The following STAT3 variants were observed in gnomAD, a reference collection of about 807,000 sequenced individuals.
The protein encoded by STAT3 is DNA-binding protein APRF.
Under a neutral mutation model 114.3 loss-of-function variants are expected in STAT3, and 7 were observed. That is an observed-to-expected ratio of 0.06 (90% confidence interval 0.03 to 0.11). The LOEUF is 0.11. Ranked by LOEUF, STAT3 falls within the 10% of genes least tolerant of loss-of-function variation. The pLI, the probability that STAT3 is intolerant of heterozygous loss-of-function variation, is 1.00. For missense variants in STAT3, 364 were observed against 960.9 expected, an observed-to-expected ratio of 0.38 and a Z score of 8.21; for synonymous variants, 331 against 354.5, an observed-to-expected ratio of 0.93 and a Z score of 0.74.
chr17:42,366,728 C>A (rs1234319320), intron 1 of STAT3, among the ~76,000 whole-genome samples: 2 of 150,480 alleles, frequency 1.3e-5, no homozygotes, highest in Non-Finnish European at 3.0e-5. Context: ...CTCCCACTGA[C>A]GCAGCCTTAA....
chr17:42,385,917 T>A (rs1011661918), intron 1 of STAT3, among the ~76,000 whole-genome samples: 2 of 152,182 alleles, frequency 1.3e-5, no homozygotes, highest in African/African-American at 4.8e-5. Context: ...CACCTGTTTA[T>A]TGAATATTTA....
rs45540033 is a variant in STAT3, at chr17:42,317,108, A to G, written c.2144+74T>C. The stretch of plus-strand genomic sequence containing the variant: ...TCCAACCTTTGGCAGATTAACTCTC[A>G]CCCAGTGTCCCATTCCCAGGGATAA... On this transcript the variant is annotated intron_variant, in intron 22 of 23. Coordinates refer to ENST00000264657, the MANE Select transcript of STAT3 (RefSeq NM_139276.3). 3.1e-3 allele frequency: 4,910 copies of G among 1,606,638 alleles called. 87 individuals carry two copies. In the African/African-American group the frequency reaches 0.042, roughly 14 times the overall value.
intron 1 of STAT3, among the ~76,000 whole-genome samples, chr17:42,371,294 G>C (rs930946869): frequency 1.3e-5 from 2 of 152,072 alleles, no homozygotes; most frequent in African/African-American, 2.4e-5. Context: ...TTTGCAGCAG[G>C]ATGCAGGAGC....
chr17:42,323,238 G>T (rs777125327), intron 19 of STAT3, 22 bp downstream of exon 19: 31 of 1,614,112 alleles, frequency 1.9e-5, no homozygotes, highest in Non-Finnish European at 2.6e-5. Context: ...GGTTACATCT[G>T]TGCACACTCT....
At chr17:42,366,993 T>C (rs999398562) in intron 1 of STAT3, among the ~76,000 whole-genome samples, 1 of 151,762 alleles carries the variant, frequency 6.6e-6, no homozygotes, top group Non-Finnish European at 1.5e-5. Context: ...ATACAAAAAT[T>C]AGCCAGGTGT....
At position 42,317,182 on chromosome 17, in the gene STAT3, G is replaced by C. The variant is rs1064794957; in HGVS notation, c.2144C>G (p.Pro715Arg). Residue 715 changes from proline to arginine, a missense_variant and splice_region_variant, in exon 22 of 24, where the codon CCA (proline) becomes CGA (arginine). Pro to Arg is a moderately radical substitution (Grantham distance 103). Transcript: ENST00000264657. The part of the protein sequence containing the change: ...YLKTKFICVT[P>R]TTCSNTIDLP... ...AAAACGGGGAAAGGAAGCCACTTACGGTGTCACACAGATAAACTTGGTCTT... is the reference window on the plus strand; with the variant it reads ...AAAACGGGGAAAGGAAGCCACTTACCGTGTCACACAGATAAACTTGGTCTT... 1 of 1,613,866 alleles carries C rather than the reference G, an allele frequency of 6.2e-7. No individual in the cohort carries two copies. The highest frequency in any genetic ancestry group is 8.5e-7 in the Non-Finnish European group (1 of 1,179,948).
At chr17:42,374,378 C>G (rs1389257765) in intron 1 of STAT3, among the ~76,000 whole-genome samples, 1 of 152,112 alleles carries the variant, frequency 6.6e-6, no homozygotes, top group African/African-American at 2.4e-5. Flanking sequence ...GAGACTGAAG[C>G]AGGTGGATCA....
intron 1 of STAT3, among the ~76,000 whole-genome samples, chr17:42,373,205 C>T (rs2084255505): frequency 6.6e-6 from 1 of 152,078 alleles, no homozygotes; most frequent in Non-Finnish European, 1.5e-5. Context: ...AAAAAATTAG[C>T]CAGGCGTGGT....
At position 42,348,381 on chromosome 17, in the gene STAT3, G is replaced by A. The variant is rs753131863; in HGVS notation, c.128+8C>T. The A allele has an allele frequency of 3.1e-6, 5 of 1,614,034 alleles. No individual in the cohort carries two copies. Among genetic ancestry groups the A allele is most frequent in the Non-Finnish European group, 4.2e-6 (5 of 1,180,008 alleles). On this transcript the variant is annotated splice_region_variant and intron_variant, in intron 2 of 23. Transcript: ENST00000264657. ...AACAATTTGGAGAGTCACTTAAGAA[G>A]GACTTACCAATCTTGACTCTCAATC...
At chr17:42,345,463 C>T in intron 4 of STAT3, 96 bp downstream of exon 4, 2 of 1,050,240 alleles carry the variant, frequency 1.9e-6, no homozygotes, top group Non-Finnish European at 2.8e-6. Flanking sequence ...ATTTCTTTTC[C>T]TTCTTTTTTA....
At chr17:42,365,639 G>GT (rs11440924) in intron 1 of STAT3, among the ~76,000 whole-genome samples, 64,713 of 138,720 alleles carry the variant, frequency 0.47, 16,181 homozygotes, top group Admixed American at 0.6. Context: ...TGCTGTTAAA[G>GT]TTTTTTTTTT....
At chr17:42,366,775 C>A (rs1215044113) in intron 1 of STAT3, among the ~76,000 whole-genome samples, 1 of 151,554 alleles carries the variant, frequency 6.6e-6, no homozygotes, top group Non-Finnish European at 1.5e-5. Context: ...GATAGCTGGA[C>A]TAGGCTAACT....
chr17:42,343,478 A>G (rs1198483896), intron 4 of STAT3, among the ~76,000 whole-genome samples: 1 of 96,960 alleles, frequency 1.0e-5, no homozygotes. Flanking sequence ...TTTTTTTTTC[A>G]GTCGGAGTCT....
intron 1 of STAT3, among the ~76,000 whole-genome samples, chr17:42,359,241 T>C (rs528486946): frequency 1.3e-5 from 2 of 152,138 alleles, no homozygotes; most frequent in East Asian, 3.9e-4. Context: ...CAGCCAGATA[T>C]TTCTTATCTT....
chr17:42,354,403 C>G (rs944259390), intron 1 of STAT3, among the ~76,000 whole-genome samples: 10 of 149,580 alleles, frequency 6.7e-5, no homozygotes, highest in Non-Finnish European at 1.2e-4. Flanking sequence ...CTCCTGACCT[C>G]GTGATCCGCC....
chr17:42,340,355 CAAAA>C (rs10706259), intron 4 of STAT3, among the ~76,000 whole-genome samples: 2 of 117,052 alleles, frequency 1.7e-5, no homozygotes. Context: ...AACTCCATCT[CAAAA>C]AAAAAAAAAA....
chr17:42,376,719 G>C (rs759602197), intron 1 of STAT3, among the ~76,000 whole-genome samples: 1 of 151,722 alleles, frequency 6.6e-6, no homozygotes, highest in Non-Finnish European at 1.5e-5. Context: ...TGTGACGGGC[G>C]CCTGTAGTCC....
At chr17:42,387,936 G>A (rs113377876) in intron 1 of STAT3, 52 of 232,760 alleles carry the variant, frequency 2.2e-4, no homozygotes, top group Non-Finnish European at 3.7e-4. Context: ...CAGTCGCTCC[G>A]GTGGCCGGAA....
intron 23 of STAT3, chr17:42,316,023 G>T: frequency 7.0e-7 from 1 of 1,426,178 alleles, no homozygotes; most frequent in Non-Finnish European, 9.1e-7. Flanking sequence ...GATTCCCAGA[G>T]CTCCATGTTT....
Sources: allele counts gnomAD v4.1 joint callset (sites outside exome capture counted in the v4.1 genomes callset), GRCh38; gene constraint gnomAD v4.1.1; transcripts MANE v1.5; gene names NCBI Gene and HGNC (gene_info 2026-07-23, HGNC 2026-07-21).